The following TMEM255A variants were observed in gnomAD, a reference collection of about 807,000 sequenced individuals.
The protein encoded by TMEM255A is transmembrane protein 255A, also known as family with sequence similarity 70, member A.
Under a neutral mutation model 23.5 loss-of-function variants are expected in TMEM255A, and 14 were observed. That is an observed-to-expected ratio of 0.60 (90% CI 0.39 to 0.93). TMEM255A has a LOEUF of 0.93. Among genes scored for constraint, TMEM255A ranks in the 40% least tolerant of loss-of-function variants. The probability of loss-of-function intolerance (pLI) is 0.00; values close to 1 mark genes in which losing one functional copy is unlikely to be tolerated. For synonymous variants in TMEM255A, 104 were observed against 100.3 expected, an observed-to-expected ratio of 1.04 and a Z score of -0.22; for missense variants, 233 against 261.7, an observed-to-expected ratio of 0.89 and a Z score of 0.76.
Position 120,268,356 on chromosome X carries a change from A to G in TMEM255A, c.707T>C (p.Val236Ala). ...NPTLPALNCS[V>A]ENTHPTVSYY... ...AGAAACTGTTGGATGGGTATTTTCA[A>G]CAGAACAGTTCAGTGCTGGGAGAGT... The change falls in exon 8 of 9, where the codon GTT becomes GCT. Residue 236 changes from valine (V) to alanine (A), a missense_variant. Coordinates refer to ENST00000371369, the MANE Select transcript of TMEM255A (RefSeq NM_001104544.3). The G allele has an allele frequency of 8.3e-7, 1 of 1,210,348 alleles. No homozygotes were observed. Among genetic ancestry groups the G allele is most frequent in the Non-Finnish European group, 1.1e-6 (1 of 894,921 alleles).
chrX:120,305,540 T>C (rs2058058921), intron 1 of TMEM255A, among the ~76,000 whole-genome samples: 1 of 111,057 alleles, frequency 9.0e-6, no homozygotes, highest in Non-Finnish European at 1.9e-5. Flanking sequence ...CCCACGTGGC[T>C]TGACTGTCAT....
At chrX:120,307,543 G>A (rs1204957608) in intron 1 of TMEM255A, among the ~76,000 whole-genome samples, 1 of 112,344 alleles carries the variant, frequency 8.9e-6, no homozygotes, top group Non-Finnish European at 1.9e-5. Context: ...TAAACAATCG[G>A]TACTTGTTGA....
At chrX:120,285,035 T>C in intron 6 of TMEM255A, 92 bp downstream of exon 6, 1 of 805,739 alleles carries the variant, frequency 1.2e-6, no homozygotes, top group Non-Finnish European at 1.9e-6. Flanking sequence ...TCCACTTCCC[T>C]AATTCCCACA....
chrX:120,266,957 C>T (rs2057722081), intron 8 of TMEM255A, among the ~76,000 whole-genome samples: 1 of 111,890 alleles, frequency 8.9e-6, no homozygotes, highest in East Asian at 2.8e-4. Context: ...AAGCTTTAAC[C>T]CATTTATGCC....
chrX:120,253,712 T>C (rs916203686), downstream of TMEM255A: 5 of 1,210,169 alleles, frequency 4.1e-6, no homozygotes, highest in Admixed American at 8.7e-5. Context: ...ATTTGCTTGA[T>C]GAGTTAATTA....
chrX:120,255,324 C>T (rs912573988), downstream of TMEM255A: 1 of 1,210,975 alleles, frequency 8.3e-7, no homozygotes, highest in Non-Finnish European at 1.1e-6. Flanking sequence ...TCAGAACAAG[C>T]CAATGACCTG....
chrX:120,253,528 T>G, the TMEM255A span: 1 of 1,211,965 alleles, frequency 8.3e-7, no homozygotes, highest in Non-Finnish European at 1.1e-6. Flanking sequence ...ACCGTTATTG[T>G]GGAAGACCGA....
rs1353671921 is a variant in TMEM255A, at chrX:120,277,008, A to ATCGATGTAT, written c.543_551dup (p.Glu181_Ile183dup). ...GGATGATATCTTGGCAACTGCTGAC[A>ATCGATGTAT]TCGATGTATTCGTAGTACCCACCAG... On this transcript the variant is annotated inframe_insertion, in exon 7 of 9. Transcript: ENST00000371369. 8.3e-7 allele frequency: 1 copy of ATCGATGTAT among 1,209,124 alleles called. No individual in the cohort carries two copies. The highest frequency in any genetic ancestry group is 1.1e-6 in the Non-Finnish European group (1 of 894,656).
At chrX:120,270,232 A>T (rs2147184048) in intron 7 of TMEM255A, among the ~76,000 whole-genome samples, 1 of 111,211 alleles carries the variant, frequency 9.0e-6, no homozygotes, top group East Asian at 2.8e-4. Context: ...TAAATCAATA[A>T]ATCTGATTTT....
At position 120,311,331 on chromosome X, in the gene TMEM255A, C is replaced by A; in HGVS notation, c.-22G>T. 1 of 1,163,463 alleles carries A rather than the reference C, an allele frequency of 8.6e-7. No individual in the cohort carries two copies. Among genetic ancestry groups the A allele is most frequent in the Admixed American group, 2.5e-5 (1 of 39,305 alleles). ...GCATGGTGAAAACTGCCCGGTTGCC[C>A]CAGTCCCCGAAGCTGCTTCAAGCGC... is the stretch of plus-strand genomic sequence containing the variant. On this transcript the variant is annotated 5_prime_UTR_variant, in exon 1 of 9. Transcript: ENST00000371369.
At chrX:120,290,951 G>T (rs1440403095) in intron 4 of TMEM255A, among the ~76,000 whole-genome samples, 2 of 111,225 alleles carry the variant, frequency 1.8e-5, no homozygotes, top group East Asian at 5.6e-4. Context: ...TCTTACCCAC[G>T]TGTCAAAGGC....
At chrX:120,271,098 A>G (rs2057757193) in intron 7 of TMEM255A, among the ~76,000 whole-genome samples, 1 of 111,357 alleles carries the variant, frequency 9.0e-6, no homozygotes, top group Non-Finnish European at 1.9e-5. Context: ...TTCACATTTG[A>G]TAATGCTCGG....
chrX:120,291,769 C>T (rs1281823163), intron 3 of TMEM255A, among the ~76,000 whole-genome samples: 1 of 108,130 alleles, frequency 9.2e-6, no homozygotes, highest in Non-Finnish European at 1.9e-5. Flanking sequence ...TCCATCTAGT[C>T]TGTGGAAAAG....
downstream of TMEM255A, chrX:120,256,015 C>T (rs2057635862): frequency 8.1e-6 from 1 of 123,535 alleles, no homozygotes; most frequent in East Asian, 2.8e-4. Flanking sequence ...AGTCTCTCAT[C>T]TGAAGAACAA....
chrX:120,275,120 C>CT (rs781940702), intron 7 of TMEM255A, among the ~76,000 whole-genome samples: 2 of 112,234 alleles, frequency 1.8e-5, no homozygotes, highest in Non-Finnish European at 3.8e-5. Context: ...CCAGAAACAG[C>CT]TTTTTTTGCA....
chrX:120,303,738 T>C (rs1488247294), intron 2 of TMEM255A, among the ~76,000 whole-genome samples: 1 of 110,604 alleles, frequency 9.0e-6, no homozygotes, highest in Non-Finnish European at 1.9e-5. Flanking sequence ...AAGTGCATAT[T>C]ATCTGGTGAC....
chrX:120,263,277 G>T (rs2057692481), intron 8 of TMEM255A, among the ~76,000 whole-genome samples: 1 of 111,843 alleles, frequency 8.9e-6, no homozygotes, highest in South Asian at 3.7e-4. Flanking sequence ...TAATGCTGTG[G>T]GCAGCTCAGG....
chrX:120,311,339 C>A lies in TMEM255A; in HGVS notation c.-30G>T. On this transcript the variant is annotated 5_prime_UTR_variant, in exon 1 of 9. Coordinates refer to ENST00000371369, the MANE Select transcript of TMEM255A (RefSeq NM_001104544.3). ...AAAACTGCCCGGTTGCCCCAGTCCC[C>A]GAAGCTGCTTCAAGCGCCCCCGGCT... 1 of 1,152,163 alleles carries A rather than the reference C, an allele frequency of 8.7e-7. No individual in the cohort carries two copies. The highest frequency in any genetic ancestry group is 1.2e-6 in the Non-Finnish European group (1 of 857,762). 95.0% of individuals were successfully genotyped at this position (1,152,163 alleles called of 1,213,427 possible).
rs781986033 is a variant in TMEM255A at position 120,270,295 on chromosome X, T to G, written c.676-1908A>C. Among the ~76,000 whole-genome samples the G allele has an allele frequency of 2.0e-3, 217 of 107,393 alleles. 1 individual carries two copies. Among genetic ancestry groups the G allele is most frequent in the African/African-American group, 5.6e-3 (162 of 28,816 alleles). The allele number at this position is 107,393 out of a possible 115,157, so 93.3% of individuals were successfully genotyped here. On this transcript the variant is annotated intron_variant, in intron 7 of 8. Coordinates refer to ENST00000371369, the MANE Select transcript of TMEM255A (RefSeq NM_001104544.3). ...TGTGTGCACGTATAGGAGTGTGTGT[T>G]TGTGTGTGTGTGTGTGTATGTGTAT...
Sources: allele counts gnomAD v4.1 joint callset (sites outside exome capture counted in the v4.1 genomes callset), GRCh38; gene constraint gnomAD v4.1.1; transcripts MANE v1.5; gene names NCBI Gene and HGNC (gene_info 2026-07-23, HGNC 2026-07-21).